PARP1: variants seen among roughly 807,000 people sequenced by gnomAD.
The protein encoded by PARP1 is poly(ADP-ribose) polymerase 1.
In PARP1, 44 loss-of-function variants were observed where a neutral mutation model predicts 118.7. That is an observed-to-expected ratio of 0.37 (90% CI 0.29 to 0.48). PARP1 has a LOEUF of 0.48. Ranked by LOEUF, PARP1 falls within the 20% of genes least tolerant of loss-of-function variation. The probability of loss-of-function intolerance (pLI) is 0.99; values close to 1 mark genes in which losing one functional copy is unlikely to be tolerated. For missense variants in PARP1, 1,100 were observed against 1,272.4 expected, an observed-to-expected ratio of 0.86 and a Z score of 2.06; for synonymous variants, 492 against 483.2, an observed-to-expected ratio of 1.02 and a Z score of -0.24.
chr1:226,377,129 G>C lies in PARP1; in HGVS notation c.1920C>G (p.Pro640=), dbSNP rs758319630. The part of the protein sequence containing the change: ...NFTKYPKKFY[P]LEIDYGQDEE... Reference sequence around the variant, plus strand: ...TTACCTGGCCATAGTCAATCTCCAGGGGGTAGAACTTTTTGGGATACTTCG... The same window carrying C: ...TTACCTGGCCATAGTCAATCTCCAGCGGGTAGAACTTTTTGGGATACTTCG... The change falls in exon 13 of 23, where the codon CCC becomes CCG. Residue 640 remains proline, a synonymous_variant. Coordinates refer to ENST00000366794, the MANE Select transcript of PARP1 (RefSeq NM_001618.4). The C allele has an allele frequency of 4.3e-6, 7 of 1,613,792 alleles. No homozygotes were observed. The highest frequency in any genetic ancestry group is 5.9e-6 in the Non-Finnish European group (7 of 1,180,004).
chr1:226,374,423 G>C (rs1558235821), intron 13 of PARP1, 69 bp from the exon 14 acceptor site: 1 of 1,583,526 alleles, frequency 6.3e-7, no homozygotes, highest in South Asian at 1.1e-5. Context: ...GCGTCTGTGG[G>C]GCTGGACTGC....
intron 2 of PARP1, among the ~76,000 whole-genome samples, chr1:226,400,574 G>A (rs1167377328): frequency 1.3e-5 from 2 of 152,208 alleles, no homozygotes; most frequent in Non-Finnish European, 2.9e-5. Flanking sequence ...CTGCCTCAGG[G>A]TAAGGGCCAC....
intron 2 of PARP1, among the ~76,000 whole-genome samples, chr1:226,401,315 A>T (rs1186002744): frequency 6.6e-6 from 1 of 152,222 alleles, no homozygotes; most frequent in African/African-American, 2.4e-5. Context: ...CAGCAGTGTT[A>T]TGGCTCTGTG....
At chr1:226,383,744 C>CT (rs1664665149) in intron 7 of PARP1, among the ~76,000 whole-genome samples, 1 of 152,226 alleles carries the variant, frequency 6.6e-6, no homozygotes, top group Admixed American at 6.5e-5. Flanking sequence ...ACTCTTCACT[C>CT]TGACTGATTT....
intron 1 of PARP1, among the ~76,000 whole-genome samples, chr1:226,402,747 G>C (rs1261784657): frequency 6.6e-6 from 1 of 152,234 alleles, no homozygotes; most frequent in Non-Finnish European, 1.5e-5. Context: ...GAAATGCACA[G>C]AAGACACTTG....
At position 226,392,263 on chromosome 1, in the gene PARP1, A is replaced by G. The variant is rs933980062; in HGVS notation, c.338T>C (p.Phe113Ser). ...GTTGGACTTGGCATACTCTGCTGCA[A>G]AGTCACCCAGAGTCTTCTCTGCCTT... ...GSKAEKTLGD[F>S]AAEYAKSNRS... Residue 113 changes from phenylalanine (F) to serine (S), a missense_variant, in exon 3 of 23, where the codon TTT becomes TCT. By Grantham distance (155) the Phe-to-Ser change is radical (BLOSUM62 -2). Around this residue, in one of 2 missense-constraint regions of PARP1, gnomAD observed 948 missense variants for 1,031.8 expected, o/e 0.92. Coordinates refer to ENST00000366794, the MANE Select transcript of PARP1 (RefSeq NM_001618.4). The G allele has an allele frequency of 6.2e-7, 1 of 1,614,086 alleles. No individual in the cohort carries two copies. The highest frequency in any genetic ancestry group is 8.5e-7 in the Non-Finnish European group (1 of 1,179,988).
intron 8 of PARP1, 94 bp from the exon 9 acceptor site, chr1:226,381,302 C>T (rs1203738139): frequency 6.8e-7 from 1 of 1,468,660 alleles, no homozygotes; most frequent in Non-Finnish European, 9.5e-7. Context: ...AAGCAGCGAG[C>T]TCCTGGGAAA....
intron 8 of PARP1, among the ~76,000 whole-genome samples, chr1:226,382,034 G>A (rs80320964): frequency 6.6e-6 from 1 of 152,326 alleles, no homozygotes; most frequent in East Asian, 1.9e-4. Flanking sequence ...GTGGGCACCT[G>A]GACCCAGGCT....
intron 14 of PARP1, chr1:226,371,098 C>T (rs1158369094): frequency 6.4e-6 from 1 of 157,018 alleles, no homozygotes; most frequent in Non-Finnish European, 1.4e-5. Flanking sequence ...TGCCTGCCAT[C>T]AAGAGAAGCT....
At chr1:226,381,358 C>T in intron 8 of PARP1, 150 bp from the exon 9 acceptor site, 1 of 840,918 alleles carries the variant, frequency 1.2e-6, no homozygotes, top group Non-Finnish European at 2.0e-6. Flanking sequence ...GGACAGCAAG[C>T]TGCCACCTGA....
Position 226,379,748 on chromosome 1 carries a change from G to A in PARP1, c.1544-107C>T, listed in dbSNP as rs369338473. 1.8e-4 allele frequency: 232 copies of A among 1,317,346 alleles called. 2 individuals carry two copies. Among genetic ancestry groups the A allele is most frequent in the South Asian group, 1.5e-3 (123 of 84,122 alleles). The allele number at this position is 1,317,346 out of a possible 1,614,324, so 81.6% of individuals were successfully genotyped here. On this transcript the variant is annotated intron_variant, in intron 10 of 22. Transcript: ENST00000366794. ...TCTCATTCCCATCATCTGTCAACTC[G>A]GCATCTATATACACACTACTCCCGC...
chr1:226,372,019 A>G (rs902676860), intron 14 of PARP1, among the ~76,000 whole-genome samples: 126 of 152,288 alleles, frequency 8.3e-4, no homozygotes, highest in African/African-American at 3.0e-3. Flanking sequence ...ACACCTTGGC[A>G]CTGGGGACCC....
At position 226,386,457 on chromosome 1, in the gene PARP1, C is replaced by T; in HGVS notation, c.718-15G>A. ...TCGTTCTGAGCCTATGGACAAGACCCAGTGGCTGAGAGGCTAGCTCTTTTC... is the reference window on the plus strand; with the variant it reads ...TCGTTCTGAGCCTATGGACAAGACCTAGTGGCTGAGAGGCTAGCTCTTTTC... On this transcript the variant is annotated splice_polypyrimidine_tract_variant and intron_variant, in intron 5 of 22. Transcript: ENST00000366794. The T allele has an allele frequency of 6.6e-7, 1 of 1,520,182 alleles. No individual in the cohort carries two copies. Among genetic ancestry groups the T allele is most frequent in the Non-Finnish European group, 9.1e-7 (1 of 1,094,398 alleles). 94.2% of individuals were successfully genotyped at this position (1,520,182 alleles called of 1,614,324 possible).
chr1:226,400,184 C>T (rs1000045025), intron 2 of PARP1, among the ~76,000 whole-genome samples: 10 of 151,652 alleles, frequency 6.6e-5, no homozygotes, highest in South Asian at 2.1e-4. Flanking sequence ...GCAGGCACCA[C>T]GCTACTCGGG....
rs1665186878 is a variant in PARP1 at position 226,407,979 on chromosome 1, A to T, written c.-50T>A. 6.2e-7 allele frequency: 1 copy of T among 1,609,942 alleles called. No homozygotes were observed. Among genetic ancestry groups the T allele is most frequent in the Non-Finnish European group, 8.5e-7 (1 of 1,178,396 alleles). On this transcript the variant is annotated 5_prime_UTR_variant, in exon 1 of 23. Transcript: ENST00000366794. ...CCGGAAGCCCGACGCCACGACCTAG[A>T]AACACGCTGCCGCCTCGCCGCCTCG...
chr1:226,399,949 G>A (rs186342872), intron 2 of PARP1, among the ~76,000 whole-genome samples: 91 of 151,432 alleles, frequency 6.0e-4, no homozygotes, highest in African/African-American at 2.2e-3. Context: ...CTTACGGTGA[G>A]CCGAGATCAC....
At chr1:226,386,749 G>GT (rs1381172365) in intron 5 of PARP1, among the ~76,000 whole-genome samples, 1 of 152,172 alleles carries the variant, frequency 6.6e-6, no homozygotes, top group Non-Finnish European at 1.5e-5. Context: ...GAAACACCAG[G>GT]TAAGAGCCTG....
At chr1:226,389,073 T>TAA (rs1042972381) in intron 4 of PARP1, among the ~76,000 whole-genome samples, 28 of 144,138 alleles carry the variant, frequency 1.9e-4, no homozygotes, top group African/African-American at 5.9e-4. Context: ...CGTCTGAGGT[T>TAA]AAAAAAAAAA....
At chr1:226,407,476 TAC>T (rs1665172915) in intron 1 of PARP1, among the ~76,000 whole-genome samples, 1 of 151,820 alleles carries the variant, frequency 6.6e-6, no homozygotes, top group South Asian at 2.1e-4. Context: ...AGAGACCATG[TAC>T]AATTCCCCCC....
Sources: gnomAD v4.1 joint callset for allele counts (sites outside exome capture counted in the v4.1 genomes callset) on GRCh38, gnomAD v4.1.1 for gene constraint, gnomAD v4.1.1 regional missense constraint, MANE v1.5 for transcripts, NCBI Gene and HGNC (gene_info 2026-07-23, HGNC 2026-07-21) for gene names.